Variants in SOCS2 observed in about 807,000 individuals in gnomAD.
The protein encoded by SOCS2 is suppressor of cytokine signaling 2, also known as CIS-2.
In SOCS2, 10 loss-of-function variants were observed where a neutral mutation model predicts 18.6. The ratio of observed to expected loss-of-function variants is 0.54; its 90% CI spans 0.33 to 0.91. SOCS2 has a LOEUF of 0.91. SOCS2 is among the 40% of genes least tolerant of loss of function. The pLI is 0.02. For synonymous variants in SOCS2, 104 were observed against 104.0 expected, an observed-to-expected ratio of 1.00 and a Z score of 0.00; for missense variants, 231 against 247.2, an observed-to-expected ratio of 0.93 and a Z score of 0.44.
At chr12:93,611,076 G>A in the SOCS2 span, among the ~76,000 whole-genome samples, 1 of 152,072 alleles carries the variant, frequency 6.6e-6, no homozygotes, top group African/African-American at 2.4e-5. Context: ...AGGTGTCCTA[G>A]TCCCCCTAGT....
the SOCS2 span, among the ~76,000 whole-genome samples, chr12:93,601,108 C>CTTT: frequency 4.4e-4 from 62 of 140,650 alleles, 1 homozygote; most frequent in Middle Eastern, 3.6e-3. Context: ...CTCTCTCTCT[C>CTTT]TTTTTTTTTT....
the SOCS2 span, among the ~76,000 whole-genome samples, chr12:93,607,746 T>A: frequency 1.3e-5 from 2 of 152,192 alleles, no homozygotes; most frequent in South Asian, 4.1e-4. Context: ...AAATACGCTG[T>A]CATTTGTTTG....
chr12:93,600,308 G>A, the SOCS2 span, among the ~76,000 whole-genome samples: 1 of 151,950 alleles, frequency 6.6e-6, no homozygotes, highest in South Asian at 2.1e-4. Flanking sequence ...GCATGGGTCT[G>A]TTTATGAGCT....
chr12:93,588,736 C>T, the SOCS2 span, among the ~76,000 whole-genome samples: 1 of 152,064 alleles, frequency 6.6e-6, no homozygotes, highest in Non-Finnish European at 1.5e-5. Context: ...CCTGTCTCAG[C>T]CTTCCAAGTA....
chr12:93,594,171 T>G, the SOCS2 span, among the ~76,000 whole-genome samples: 1 of 152,210 alleles, frequency 6.6e-6, no homozygotes, highest in Non-Finnish European at 1.5e-5. Context: ...GTTCAGGTTG[T>G]TTTTAACACT....
the SOCS2 span, among the ~76,000 whole-genome samples, chr12:93,590,783 CAAAAAAAAAAAAAAAAAAAAAAAAAAA>C: frequency 5.1e-5 from 2 of 38,956 alleles, no homozygotes; most frequent in South Asian, 1.2e-3. Flanking sequence ...GACTCCGCCT[CAAAAAAAAAAAAAAAAAAAAAAAAAAA>C]AAAAAAAAAA....
chr12:93,620,510 G>T, the SOCS2 span, among the ~76,000 whole-genome samples: 1 of 152,078 alleles, frequency 6.6e-6, no homozygotes, highest in Non-Finnish European at 1.5e-5. Flanking sequence ...CCACCTGCCA[G>T]GTTCAAGCAA....
At chr12:93,614,362 CTTCTTTCTTTCTTTCT>C in the SOCS2 span, among the ~76,000 whole-genome samples, 1,568 of 79,358 alleles carry the variant, frequency 0.02, 40 homozygotes, top group Non-Finnish European at 0.022. Flanking sequence ...AGCAATTTTC[CTTCTTTCTTTCTTTCT>C]TTCTTTCTTT....
chr12:93,618,735 CTACTT>C, the SOCS2 span, among the ~76,000 whole-genome samples: 12 of 152,230 alleles, frequency 7.9e-5, no homozygotes, highest in African/African-American at 2.7e-4. Flanking sequence ...CATTGTCTCA[CTACTT>C]TACTTTATTT....
chr12:93,616,150 T>A, the SOCS2 span, among the ~76,000 whole-genome samples: 1 of 152,164 alleles, frequency 6.6e-6, no homozygotes, highest in African/African-American at 2.4e-5. Context: ...GCCTCTTCAA[T>A]CAGAGCACCA....
chr12:93,614,483 C>CTTTTT, the SOCS2 span, among the ~76,000 whole-genome samples: 2 of 22,994 alleles, frequency 8.7e-5, no homozygotes, highest in African/African-American at 5.2e-4. Context: ...TCCTTCCTTT[C>CTTTTT]CTTCCTTCCT....
the SOCS2 span, among the ~76,000 whole-genome samples, chr12:93,614,478 C>CTTT: frequency 3.4e-4 from 17 of 49,436 alleles, 2 homozygotes; most frequent in East Asian, 4.0e-3. Flanking sequence ...TTCCTTCCTT[C>CTTT]CTTTCCTTCC....
chr12:93,588,929 G>C, the SOCS2 span, among the ~76,000 whole-genome samples: 1 of 152,150 alleles, frequency 6.6e-6, no homozygotes, highest in African/African-American at 2.4e-5. Context: ...GCCTGACAGA[G>C]TGAATTTGTT....
chr12:93,614,197 A>G, the SOCS2 span, among the ~76,000 whole-genome samples: 1 of 152,080 alleles, frequency 6.6e-6, no homozygotes, highest in Non-Finnish European at 1.5e-5. Context: ...CTCAATGAAT[A>G]CTTCTTATTT....
chr12:93,613,023 C>G, the SOCS2 span, among the ~76,000 whole-genome samples: 1 of 152,152 alleles, frequency 6.6e-6, no homozygotes, highest in Admixed American at 6.5e-5. Context: ...GAGACAAAGA[C>G]GGAAAACAGC....
At chr12:93,596,506 CATGCATTTGATCTCTTGAATGTTCAA>C in the SOCS2 span, among the ~76,000 whole-genome samples, 2 of 152,144 alleles carry the variant, frequency 1.3e-5, no homozygotes, top group East Asian at 3.8e-4. Context: ...GACCCAGGCC[CATGCATTTGATCTCTTGAATGTTCAA>C]AGGAAACTGC....
At chr12:93,623,033 T>G in the SOCS2 span, among the ~76,000 whole-genome samples, 20 of 152,344 alleles carry the variant, frequency 1.3e-4, no homozygotes, top group Admixed American at 3.3e-4. Context: ...GGATATTTAC[T>G]CTTGCCTGGA....
downstream of SOCS2, among the ~76,000 whole-genome samples, chr12:93,588,309 C>T (rs1954596423): frequency 6.6e-6 from 1 of 152,178 alleles, no homozygotes; most frequent in East Asian, 1.9e-4. Flanking sequence ...ATTAGACTCA[C>T]TGCCATAAAT....
the SOCS2 span, among the ~76,000 whole-genome samples, chr12:93,600,204 A>G: frequency 1.7e-4 from 26 of 152,330 alleles, 1 homozygote; most frequent in Middle Eastern, 0.014. Context: ...TTCTTTATGG[A>G]AAATGAACTA....
Sources: allele counts gnomAD v4.1 joint callset (sites outside exome capture counted in the v4.1 genomes callset), GRCh38; gene constraint gnomAD v4.1.1; transcripts MANE v1.5; gene names NCBI Gene and HGNC (gene_info 2026-07-23, HGNC 2026-07-21).